The following TMPRSS11B variants were observed in gnomAD, a reference collection of about 807,000 sequenced individuals.
TMPRSS11B encodes the protein transmembrane protease serine 11B.
Under a neutral mutation model 44.7 loss-of-function variants are expected in TMPRSS11B, and 53 were observed. That is an observed-to-expected ratio of 1.19 (90% confidence interval 0.95 to 1.49). The LOEUF is 1.49. TMPRSS11B is among the 40% of genes most tolerant of loss of function. The probability of loss-of-function intolerance (pLI) is 0.00; values close to 1 mark genes in which losing one functional copy is unlikely to be tolerated. For missense variants in TMPRSS11B, 526 were observed against 494.8 expected, an observed-to-expected ratio of 1.06 and a Z score of -0.60; for synonymous variants, 140 against 159.2, an observed-to-expected ratio of 0.88 and a Z score of 0.91.
intron 1 of TMPRSS11B, among the ~76,000 whole-genome samples, chr4:68,242,353 A>AATAT (rs1197333659): frequency 1.4e-4 from 2 of 14,624 alleles, no homozygotes; most frequent in South Asian, 3.3e-3. Flanking sequence ...TATTATATAT[A>AATAT]ATATTATATT....
intron 9 of TMPRSS11B, 67 bp downstream of exon 9, chr4:68,228,675 T>C (rs1719420555): frequency 2.6e-6 from 4 of 1,526,840 alleles, no homozygotes; most frequent in Non-Finnish European, 3.5e-6. Flanking sequence ...AAAAAAAATT[T>C]TATGTGGATA....
In TMPRSS11B at chr4:68,231,343, G is replaced by A; in HGVS notation, c.546C>T (p.Gly182=). The change falls in exon 7 of 10, where the codon GGC becomes GGT. Residue 182 remains glycine, a synonymous_variant. Transcript: ENST00000332644. Reference sequence around the variant, plus strand: ...AGCTTTTTCCATTCACAATTTTGTTGCCAGTTATGATACTGTTGGCTACTT... The same window carrying A: ...AGCTTTTTCCATTCACAATTTTGTTACCAGTTATGATACTGTTGGCTACTT... ...GRQVANSIIT[G]NKIVNGKSSL... The A allele has an allele frequency of 6.2e-7, 1 of 1,613,802 alleles. No homozygotes were observed. The highest frequency in any genetic ancestry group is 8.5e-7 in the Non-Finnish European group (1 of 1,179,844).
intron 5 of TMPRSS11B, among the ~76,000 whole-genome samples, chr4:68,233,430 G>A (rs1174558859): frequency 2.0e-5 from 3 of 152,092 alleles, no homozygotes; most frequent in Non-Finnish European, 4.4e-5. Context: ...CAATCCAAGT[G>A]ACAGTTTCAA....
intron 5 of TMPRSS11B, among the ~76,000 whole-genome samples, chr4:68,234,105 G>A (rs1457893825): frequency 6.6e-6 from 1 of 151,390 alleles, no homozygotes; most frequent in Non-Finnish European, 1.5e-5. Flanking sequence ...AGGTTTCAGT[G>A]AGCCGAGATC....
Position 68,234,585 on chromosome 4 carries a change from T to G in TMPRSS11B, c.347A>C (p.Lys116Thr). ...ANGSNVQLQLKFKFPPAEGVS... is the reference protein window; with the variant it reads ...ANGSNVQLQLTFKFPPAEGVS... Reference sequence around the variant, plus strand: ...TCCTTCTGCTGGAGGAAACTTGAATTTCAGCTGTAACTGCACATTTGAACC... The same window carrying G: ...TCCTTCTGCTGGAGGAAACTTGAATGTCAGCTGTAACTGCACATTTGAACC... Residue 116 changes from lysine (K) to threonine (T), a missense_variant, in exon 5 of 10, where the codon AAA (lysine) becomes ACA (threonine). Transcript: ENST00000332644. The G allele has an allele frequency of 6.2e-7, 1 of 1,613,964 alleles. No homozygotes were observed. The highest frequency in any genetic ancestry group is 8.5e-7 in the Non-Finnish European group (1 of 1,179,942).
chr4:68,242,339 T>TA (rs1719875573), intron 1 of TMPRSS11B, among the ~76,000 whole-genome samples: 21 of 10,588 alleles, frequency 2.0e-3, no homozygotes, highest in African/African-American at 5.8e-3. Context: ...TTATATTATA[T>TA]ATATATTATA....
chr4:68,229,151 A>G, intron 8 of TMPRSS11B, 106 bp downstream of exon 8: 1 of 1,233,314 alleles, frequency 8.1e-7, no homozygotes. Context: ...TTTTCAGTAT[A>G]TTTACTGATT....
intron 2 of TMPRSS11B, among the ~76,000 whole-genome samples, chr4:68,241,173 T>G (rs1424145073): frequency 2.0e-5 from 3 of 152,112 alleles, no homozygotes; most frequent in Non-Finnish European, 2.9e-5. Context: ...AAAAATAAAT[T>G]GGAAACTAAG....
chr4:68,229,715 T>G (rs1375656339), intron 7 of TMPRSS11B, 199 bp from the exon 8 acceptor site: 2 of 457,616 alleles, frequency 4.4e-6, no homozygotes, highest in East Asian at 7.2e-5. Flanking sequence ...AGGACTCAGA[T>G]TTGTCAGCTT....
chr4:68,235,880 C>T, intron 4 of TMPRSS11B, 122 bp downstream of exon 4: 17 of 497,558 alleles, frequency 3.4e-5, no homozygotes, highest in South Asian at 2.1e-4. Context: ...TTCTTTCTTT[C>T]CTTTCCTTTG....
rs373081446 is a variant in TMPRSS11B at position 68,228,884 on chromosome 4, C to A, written c.947G>T (p.Gly316Val). 1 of 1,611,754 alleles carries A rather than the reference C, an allele frequency of 6.2e-7. No homozygotes were observed. ...VTGWGTLYMN[G>V]SFPVILQEDF... ...TTCTTGAAGTATCACTGGAAATGAA[C>A]CTAAAAGCAATAAGTGCTGCATATT... Residue 316 changes from glycine (G) to valine (V), a missense_variant and splice_region_variant, in exon 9 of 10, where the codon GGT (glycine) becomes GTT (valine). Transcript: ENST00000332644.
chr4:68,238,579 T>C (rs1719737611), intron 2 of TMPRSS11B, among the ~76,000 whole-genome samples: 3 of 145,910 alleles, frequency 2.1e-5, no homozygotes, highest in South Asian at 2.2e-4. Flanking sequence ...AAAAAAAAAT[T>C]AGCCAGGAGT....
Position 68,229,134 on chromosome 4 carries a change from G to A in TMPRSS11B, c.946+123C>T, listed in dbSNP as rs1011101679. On this transcript the variant is annotated intron_variant, in intron 8 of 9. Coordinates refer to ENST00000332644, the MANE Select transcript of TMPRSS11B (RefSeq NM_182502.3). ...CATCATGCTTTTTGTCCCACCACTT[G>A]GTTTTCTTTTCAGTATATTTACTGA... 7 of 1,078,042 alleles carry A rather than the reference G, an allele frequency of 6.5e-6. No homozygotes were observed. The South Asian group carries it at 6.7e-5, about 10-fold the overall frequency. The allele number at this position is 1,078,042 out of a possible 1,614,324, so 66.8% of individuals were successfully genotyped here.
rs1485386611 is a variant in TMPRSS11B at position 68,242,301 on chromosome 4, T to G, written c.9-497A>C. Among the ~76,000 whole-genome samples the G allele has an allele frequency of 1.8e-4, 12 of 65,892 alleles. No homozygotes were observed. In the East Asian group the frequency reaches 5.4e-3, roughly 30 times the overall value. The allele number at this position is 65,892 out of a possible 152,430, so 43.2% of individuals were successfully genotyped here. A position where few individuals can be genotyped will look rare whatever the true frequency, so the allele number is the denominator to read the frequency against. ...TATATATATTATATTATACATAATATAATATATATAATATTATATATATAA... is the reference window on the plus strand; with the variant it reads ...TATATATATTATATTATACATAATAGAATATATATAATATTATATATATAA... On this transcript the variant is annotated intron_variant, in intron 1 of 9. Coordinates refer to ENST00000332644, the MANE Select transcript of TMPRSS11B (RefSeq NM_182502.3).
At chr4:68,238,639 A>G (rs1279981396) in intron 2 of TMPRSS11B, among the ~76,000 whole-genome samples, 1 of 151,914 alleles carries the variant, frequency 6.6e-6, no homozygotes, top group African/African-American at 2.4e-5. Flanking sequence ...AGGCGGGAGA[A>G]TTGCTTGAAT....
At chr4:68,239,037 T>A (rs1004082249) in intron 2 of TMPRSS11B, among the ~76,000 whole-genome samples, 4 of 152,206 alleles carry the variant, frequency 2.6e-5, no homozygotes, top group African/African-American at 9.6e-5. Flanking sequence ...CAGTTCAAGG[T>A]ACCATTTTAA....
At chr4:68,236,527 G>A (rs1719672109) in intron 2 of TMPRSS11B, among the ~76,000 whole-genome samples, 1 of 152,066 alleles carries the variant, frequency 6.6e-6, no homozygotes, top group Non-Finnish European at 1.5e-5. Flanking sequence ...TAAAAGGAGA[G>A]GAGTGAACAA....
intron 7 of TMPRSS11B, 136 bp downstream of exon 7, chr4:68,231,067 G>T: frequency 1.5e-6 from 1 of 650,402 alleles, no homozygotes; most frequent in Non-Finnish European, 2.3e-6. Context: ...AATTACGCAG[G>T]TGATTGTAAA....
At chr4:68,232,483 A>C in intron 5 of TMPRSS11B, 67 bp from the exon 6 acceptor site, 1 of 1,427,188 alleles carries the variant, frequency 7.0e-7, no homozygotes. Context: ...ACTTCAACCT[A>C]AGAACATAAA....
Sources: gnomAD v4.1 joint callset for allele counts (sites outside exome capture counted in the v4.1 genomes callset) on GRCh38, gnomAD v4.1.1 for gene constraint, MANE v1.5 for transcripts, NCBI Gene and HGNC (gene_info 2026-07-23, HGNC 2026-07-21) for gene names.